DNHD1: variants seen among roughly 807,000 people sequenced by gnomAD.
DNHD1 encodes the protein dynein heavy chain domain-containing protein 1.
Under a neutral mutation model 458.1 loss-of-function variants are expected in DNHD1, and 383 were observed. The observed-to-expected ratio is 0.84, with a 90% CI of 0.77 to 0.91. The LOEUF (loss-of-function observed/expected upper bound fraction) is 0.91, where lower values mean the gene tolerates loss of function less well. Among genes scored for constraint, DNHD1 ranks in the 40% least tolerant of loss-of-function variants. DNHD1 has a pLI of 0.00. For missense variants in DNHD1, 5,336 were observed against 5,866.1 expected (o/e 0.91, Z 2.95); for synonymous variants, 2,203 against 2,376.9 (o/e 0.93, Z 2.13).
At chr11:6,535,344 A>T (rs758707389) in intron 14 of DNHD1, among the ~76,000 whole-genome samples, 21 of 152,220 alleles carry the variant, frequency 1.4e-4, no homozygotes, top group Non-Finnish European at 2.2e-4. Context: ...TGAAGAGGAC[A>T]TGAAGCAAAG....
chr11:6,548,035 C>G lies in DNHD1; in HGVS notation c.6900C>G (p.Pro2300=). The G allele has an allele frequency of 6.4e-7, 1 of 1,551,726 alleles. No individual in the cohort carries two copies. Among genetic ancestry groups the G allele is most frequent in the South Asian group, 1.2e-5 (1 of 84,054 alleles). ...TCTGGGGCTTTGGAGCCCACCTTCC[C>G]TCCAGGTACCTACCAGGATGGGGGA... is the stretch of plus-strand genomic sequence containing the variant. The part of the protein sequence containing the change: ...ALIWGFGAHL[P]SRFWPIFDTF... The change falls in exon 22 of 43, where the codon CCC becomes CCG. Residue 2300 remains proline, a synonymous_variant. Transcript: ENST00000254579. This position sits in a 1 kb window ranked among gnomAD's most constrained non-coding sequence, Gnocchi z 4.4.
At chr11:6,529,934 C>T (rs969112048) in intron 12 of DNHD1, among the ~76,000 whole-genome samples, 23 of 152,200 alleles carry the variant, frequency 1.5e-4, no homozygotes, top group African/African-American at 4.8e-4. Context: ...CATCCAGTCT[C>T]TGTCTTAGGC....
Position 6,566,273 on chromosome 11 carries a change from G to C in DNHD1, c.11086G>C (p.Gly3696Arg), listed in dbSNP as rs1199899994. 3.2e-6 allele frequency: 5 copies of C among 1,551,640 alleles called. No individual in the cohort carries two copies. Among genetic ancestry groups the C allele is most frequent in the Non-Finnish European group, 4.4e-6 (5 of 1,147,032 alleles). The change falls in exon 34 of 43, where the codon GGT becomes CGT. Residue 3696 changes from glycine to arginine, a missense_variant. Around this residue, in one of 4 missense-constraint regions of DNHD1, gnomAD observed 695 missense variants for 804.2 expected, o/e 0.86. Coordinates refer to ENST00000254579, the MANE Select transcript of DNHD1 (RefSeq NM_144666.3). Reference protein sequence around the residue: ...LPVLLTNVELGLGCEELQWLL... With the variant: ...LPVLLTNVELRLGCEELQWLL... ...TGTGTTACTGACCAATGTGGAGCTG[G>C]GTCTAGGGTGCGAAGAACTGCAATG... is the stretch of plus-strand genomic sequence containing the variant.
Position 6,557,277 on chromosome 11 carries a change from GC to G in DNHD1, c.7986del (p.Arg2663GlyfsTer11). On this transcript the variant is annotated frameshift_variant, in exon 25 of 43. Transcript: ENST00000254579. LOFTEE classifies it high-confidence loss of function. ...AGAACCTTTTGCGACCGGCTGGACA[GC>G]CCCAGGGAACGCTCCTACTGTGCCA... ...AQRTFCDRLD[S>X]PRERSYCAKL... The G allele has an allele frequency of 6.4e-7, 1 of 1,551,524 alleles. No homozygotes were observed. The highest frequency in any genetic ancestry group is 8.7e-7 in the Non-Finnish European group (1 of 1,146,986).
Position 6,548,653 on chromosome 11 carries a change from G to A in DNHD1, c.7107G>A (p.Arg2369=). Residue 2369 remains arginine, a synonymous_variant, in exon 24 of 43, where the codon CGG becomes CGA. Transcript: ENST00000254579. This position sits in a 1 kb window ranked among gnomAD's most constrained non-coding sequence, Gnocchi z 4.4. ...GTFHPSIQTE[R]LLYVVDLLLS... is the part of the protein sequence containing the mutation. Reference sequence around the variant, plus strand: ...CCACTTCTGTCTTGCAGACTGAACGGCTCTTGTATGTGGTGGACCTGCTTC... The same window carrying A: ...CCACTTCTGTCTTGCAGACTGAACGACTCTTGTATGTGGTGGACCTGCTTC... The A allele has an allele frequency of 1.3e-6, 2 of 1,551,458 alleles. No homozygotes were observed. The highest frequency in any genetic ancestry group is 1.7e-6 in the Non-Finnish European group (2 of 1,146,950).
In DNHD1 at chr11:6,548,974, C is replaced by T. The variant is rs1267314777; in HGVS notation, c.7387+41C>T. 6.5e-7 allele frequency: 1 copy of T among 1,531,306 alleles called. No homozygotes were observed. The highest frequency in any genetic ancestry group is 1.4e-5 in the African/African-American group (1 of 71,952). The allele number at this position is 1,531,306 out of a possible 1,614,324, so 94.9% of individuals were successfully genotyped here. A position where few individuals can be genotyped will look rare whatever the true frequency, so the allele number is the denominator to read the frequency against. On this transcript the variant is annotated intron_variant, in intron 24 of 42. Transcript: ENST00000254579. The surrounding 1 kb of genome is among the most constrained non-coding windows in gnomAD (Gnocchi z 4.4). The stretch of plus-strand genomic sequence containing the variant: ...GAGGGAAGGAAGGAGCTACTGTCAT[C>T]TCTTGAGACTATAAAATCCCTAGCA...
intron 4 of DNHD1, among the ~76,000 whole-genome samples, chr11:6,504,628 T>C (rs1256458005): frequency 6.6e-6 from 1 of 152,146 alleles, no homozygotes; most frequent in African/African-American, 2.4e-5. Flanking sequence ...TTTGTATTTT[T>C]AGTAGAGACA....
At chr11:6,504,695 C>T (rs2723619) in intron 4 of DNHD1, among the ~76,000 whole-genome samples, 4,914 of 152,204 alleles carry the variant, frequency 0.032, 269 homozygotes, top group African/African-American at 0.11. Context: ...GTGATCCACC[C>T]GCCTCAGCTT....
Position 6,558,077 on chromosome 11 carries a change from C to T in DNHD1, c.8782C>T (p.Arg2928Ter), listed in dbSNP as rs199752008. The T allele has an allele frequency of 1.2e-3, 1,907 of 1,551,722 alleles. 5 individuals are homozygous for T. The highest frequency in any genetic ancestry group is 1.4e-3 in the Non-Finnish European group (1,625 of 1,146,988). Residue 2928 changes from arginine (R) to a stop codon, truncating the protein, a stop_gained, in exon 25 of 43, where the codon CGA (arginine) becomes TGA (stop). Coordinates refer to ENST00000254579, the MANE Select transcript of DNHD1 (RefSeq NM_144666.3). LOFTEE classifies it high-confidence loss of function. ...GSEEAILQCL[R>*]DASWHAGMLS... ...AGAGGAGGCCATTCTCCAATGTCTA[C>T]GAGATGCCAGCTGGCATGCTGGCAT...
In DNHD1 at chr11:6,568,497, A is replaced by C. The variant is rs369174855; in HGVS notation, c.12582A>C (p.Glu4194Asp). The C allele has an allele frequency of 3.8e-5, 62 of 1,613,788 alleles. No homozygotes were observed. Among genetic ancestry groups the C allele is most frequent in the Non-Finnish European group, 4.7e-5 (56 of 1,179,878 alleles). Reference protein sequence around the residue: ...LESEQLLDQPESRNVSTVHRD... With the variant: ...LESEQLLDQPDSRNVSTVHRD... Reference sequence around the variant, plus strand: ...CAGAACAGCTTTTAGACCAACCTGAAAGCAGGAATGTAAGCACTGTTCACA... The same window carrying C: ...CAGAACAGCTTTTAGACCAACCTGACAGCAGGAATGTAAGCACTGTTCACA... The change falls in exon 38 of 43, where the codon GAA (glutamate) becomes GAC (aspartate). Residue 4194 changes from glutamate to aspartate, a missense_variant. This residue lies in a region of DNHD1 where 695 missense variants were observed against 804.2 expected (regional missense o/e 0.86). Coordinates refer to ENST00000254579, the MANE Select transcript of DNHD1 (RefSeq NM_144666.3).
chr11:6,520,451 A>G (rs537536017), intron 10 of DNHD1, 162 bp downstream of exon 10: 2 of 1,463,192 alleles, frequency 1.4e-6, no homozygotes, highest in Admixed American at 4.9e-5. Context: ...TGTTGTGGGT[A>G]GAAAGGTCAG....
At chr11:6,513,949 T>G (rs1317793175) in intron 7 of DNHD1, among the ~76,000 whole-genome samples, 1 of 152,140 alleles carries the variant, frequency 6.6e-6, no homozygotes, top group East Asian at 1.9e-4. Context: ...GTTCACACCA[T>G]TCTCCTGCCT....
chr11:6,546,106 A>G lies in DNHD1; in HGVS notation c.5167A>G (p.Ser1723Gly), dbSNP rs1349709080. The change falls in exon 21 of 43, where the codon AGC (serine) becomes GGC (glycine). Residue 1723 changes from serine to glycine, a missense_variant. Transcript: ENST00000254579. ...ACCTCAGATAGAGGCTCAATGCCTG[A>G]GCAACTATCTGAATGGTGCCCTGCA... ...CSPQIEAQCL[S>G]NYLNGALQGG... 6.4e-7 allele frequency: 1 copy of G among 1,551,538 alleles called. No individual in the cohort carries two copies. Among genetic ancestry groups the G allele is most frequent in the East Asian group, 2.4e-5 (1 of 40,904 alleles).
chr11:6,534,713 T>C (rs1852907259), intron 14 of DNHD1, among the ~76,000 whole-genome samples: 1 of 152,188 alleles, frequency 6.6e-6, no homozygotes, highest in African/African-American at 2.4e-5. Context: ...CCTTCTGTTC[T>C]TAAAGAACTC....
chr11:6,534,097 C>T lies in DNHD1; in HGVS notation c.2922C>T (p.Leu974=), dbSNP rs973026172. 5.2e-6 allele frequency: 8 copies of T among 1,551,364 alleles called. No individual in the cohort carries two copies. Among genetic ancestry groups the T allele is most frequent in the African/African-American group, 2.7e-5 (2 of 72,976 alleles). ...TQDQRSTEHQ[L]VSLERQFQNT... ...ATCAGAGGAGTACTGAGCACCAGCTCGTCTCCCTAGAGCGTCAGTTCCAGA... is the reference window on the plus strand; with the variant it reads ...ATCAGAGGAGTACTGAGCACCAGCTTGTCTCCCTAGAGCGTCAGTTCCAGA... The change falls in exon 14 of 43, where the codon CTC becomes CTT. Residue 974 remains leucine (L), a synonymous_variant. Transcript: ENST00000254579.
At chr11:6,552,185 TCA>T in intron 24 of DNHD1, among the ~76,000 whole-genome samples, 1 of 149,970 alleles carries the variant, frequency 6.7e-6, no homozygotes, top group Non-Finnish European at 1.5e-5. Context: ...TAGTCTGTTT[TCA>T]CACTGCAATA....
chr11:6,558,157 T>G lies in DNHD1; in HGVS notation c.8862T>G (p.Leu2954=), dbSNP rs1340731591. The part of the protein sequence containing the change: ...LVPSGVDLTT[L]HRLLALATSG... ...CCAGTGGTGTGGATCTCACTACACTTCATCGCCTCCTGGCCCTGGCAACCT... is the reference window on the plus strand; with the variant it reads ...CCAGTGGTGTGGATCTCACTACACTGCATCGCCTCCTGGCCCTGGCAACCT... Residue 2954 remains leucine (L), a synonymous_variant, in exon 25 of 43, where the codon CTT becomes CTG. Transcript: ENST00000254579. 5 of 1,545,762 alleles carry G rather than the reference T, an allele frequency of 3.2e-6. No individual in the cohort carries two copies. Among genetic ancestry groups the G allele is most frequent in the Non-Finnish European group, 4.4e-6 (5 of 1,144,586 alleles).
rs1852885941 is a variant in DNHD1, at chr11:6,533,954, C to T, written c.2779C>T (p.Leu927Phe). 1 of 1,551,428 alleles carries T rather than the reference C, an allele frequency of 6.4e-7. No individual in the cohort carries two copies. The highest frequency in any genetic ancestry group is 8.7e-7 in the Non-Finnish European group (1 of 1,146,942). Residue 927 changes from leucine to phenylalanine, a missense_variant, in exon 14 of 43, where the codon CTC becomes TTC. This residue lies in a region of DNHD1 where 3,932 missense variants were observed against 4,365.6 expected (regional missense o/e 0.90). Coordinates refer to ENST00000254579, the MANE Select transcript of DNHD1 (RefSeq NM_144666.3). The part of the protein sequence containing the change: ...FEKSQASEFL[L>F]SKRHAIMPKL... ...GAAAAGCCAGGCTTCAGAGTTCCTG[C>T]TCAGCAAGCGACATGCCATTATGCC...
Position 6,571,138 on chromosome 11 carries a change from G to A in DNHD1, c.13626G>A (p.Pro4542=). ...CCTTGCCTTGGCGACCTCATGCGCCGGCCGGTCCGCAGCCGCCCTGGCACT... is the reference window on the plus strand; with the variant it reads ...CCTTGCCTTGGCGACCTCATGCGCCAGCCGGTCCGCAGCCGCCCTGGCACT... ...RLPLPWRPHA[P]AGPQPPWHWL... The change falls in exon 42 of 43, where the codon CCG becomes CCA. Residue 4542 remains proline, a synonymous_variant. Coordinates refer to ENST00000254579, the MANE Select transcript of DNHD1 (RefSeq NM_144666.3). This position sits in a 1 kb window ranked among gnomAD's most constrained non-coding sequence, Gnocchi z 5.0. 6 of 1,600,748 alleles carry A rather than the reference G, an allele frequency of 3.7e-6. No homozygotes were observed. The highest frequency in any genetic ancestry group is 4.3e-6 in the Non-Finnish European group (5 of 1,175,198).
Sources: gnomAD v4.1 joint callset for allele counts (sites outside exome capture counted in the v4.1 genomes callset) on GRCh38, gnomAD v4.1.1 for gene constraint, gnomAD v4.1.1 regional missense constraint, Gnocchi (gnomAD v3.1) non-coding constraint, MANE v1.5 for transcripts, NCBI Gene and HGNC (gene_info 2026-07-23, HGNC 2026-07-21) for gene names.